The following NEGR1 variants were observed in gnomAD, a reference collection of about 807,000 sequenced individuals.
NEGR1 encodes the protein neuronal growth regulator 1.
In NEGR1, 10 loss-of-function variants were observed where a neutral mutation model predicts 40.9. That is an observed-to-expected ratio of 0.24 (90% confidence interval 0.15 to 0.42). The LOEUF is 0.42. Ranked by LOEUF, NEGR1 falls within the 10% of genes least tolerant of loss-of-function variation. NEGR1 has a pLI of 1.00. For missense variants in NEGR1, 352 were observed against 438.9 expected, an observed-to-expected ratio of 0.80 and a Z score of 1.77; for synonymous variants, 185 against 166.8, an observed-to-expected ratio of 1.11 and a Z score of -0.84.
intron 1 of NEGR1, among the ~76,000 whole-genome samples, chr1:72,144,968 T>C (rs1650851864): frequency 6.6e-6 from 1 of 152,114 alleles, no homozygotes; most frequent in African/African-American, 2.4e-5. Context: ...TTCCATATTC[T>C]GGATACCTTA....
At chr1:72,275,009 A>T (rs1326609654) in intron 1 of NEGR1, 2 of 1,544,868 alleles carry the variant, frequency 1.3e-6, no homozygotes, top group Non-Finnish European at 1.8e-6. Context: ...GAAACCAAGG[A>T]GCCTGAGAAG....
At chr1:71,943,037 C>A (rs59891260) in intron 1 of NEGR1, among the ~76,000 whole-genome samples, 1 of 123,024 alleles carries the variant, frequency 8.1e-6, no homozygotes, top group Admixed American at 8.5e-5. Flanking sequence ...TACACACATA[C>A]ATATATATGT....
At chr1:71,779,973 G>C (rs990680326) in intron 2 of NEGR1, among the ~76,000 whole-genome samples, 1 of 147,018 alleles carries the variant, frequency 6.8e-6, no homozygotes, top group Non-Finnish European at 1.5e-5. Context: ...TCAGAATAAG[G>C]TGTGGTATAG....
chr1:71,661,519 A>C (rs1229543445), intron 4 of NEGR1, among the ~76,000 whole-genome samples: 1 of 152,228 alleles, frequency 6.6e-6, no homozygotes, highest in Non-Finnish European at 1.5e-5. Flanking sequence ...TGAAAATGTA[A>C]TAGAAATTTT....
intron 1 of NEGR1, among the ~76,000 whole-genome samples, chr1:72,191,461 A>G (rs1015319086): frequency 1.3e-5 from 2 of 151,838 alleles, no homozygotes; most frequent in African/African-American, 4.8e-5. Flanking sequence ...AGAAATTTGT[A>G]GCATCAGATG....
chr1:71,845,622 C>T (rs1659378428), intron 2 of NEGR1, among the ~76,000 whole-genome samples: 1 of 152,128 alleles, frequency 6.6e-6, no homozygotes. Flanking sequence ...CAAAGAGGTA[C>T]TCTTCTTATC....
intron 2 of NEGR1, among the ~76,000 whole-genome samples, chr1:71,799,112 G>C (rs1657453418): frequency 6.6e-6 from 1 of 151,604 alleles, no homozygotes; most frequent in Non-Finnish European, 1.5e-5. Context: ...TATTACATAG[G>C]TATACATGTG....
chr1:71,764,839 C>G (rs1317670368), intron 3 of NEGR1, among the ~76,000 whole-genome samples: 1 of 152,174 alleles, frequency 6.6e-6, no homozygotes, highest in Non-Finnish European at 1.5e-5. Context: ...GCCTCATGAG[C>G]TGATCGAAAA....
intron 6 of NEGR1, among the ~76,000 whole-genome samples, chr1:71,472,823 A>G (rs895563589): frequency 5.3e-5 from 8 of 152,216 alleles, no homozygotes; most frequent in Non-Finnish European, 1.2e-4. Flanking sequence ...TAAAACATAA[A>G]TAGGCAGAAA....
intron 3 of NEGR1, among the ~76,000 whole-genome samples, chr1:71,700,457 T>A (rs1035641234): frequency 1.3e-5 from 2 of 152,040 alleles, no homozygotes; most frequent in Non-Finnish European, 2.9e-5. Flanking sequence ...CAGCACTATA[T>A]AAATGTTAAT....
intron 4 of NEGR1, among the ~76,000 whole-genome samples, chr1:71,674,181 AAT>A (rs1398811052): frequency 6.6e-6 from 1 of 152,166 alleles, no homozygotes; most frequent in African/African-American, 2.4e-5. Context: ...TTGTTAATAA[AAT>A]ATGTTTATAA....
chr1:71,986,408 C>T (rs1646395136), intron 1 of NEGR1, among the ~76,000 whole-genome samples: 1 of 152,148 alleles, frequency 6.6e-6, no homozygotes, highest in Non-Finnish European at 1.5e-5. Flanking sequence ...AACACTGAGA[C>T]GTCCTTCTGG....
At chr1:72,174,096 A>G (rs987173072) in intron 1 of NEGR1, among the ~76,000 whole-genome samples, 3 of 152,114 alleles carry the variant, frequency 2.0e-5, no homozygotes, top group Non-Finnish European at 4.4e-5. Context: ...TTTTTTAAAA[A>G]AACTGTCAAT....
At chr1:72,143,302 A>C (rs1393940410) in intron 1 of NEGR1, among the ~76,000 whole-genome samples, 1 of 151,938 alleles carries the variant, frequency 6.6e-6, no homozygotes, top group African/African-American at 2.4e-5. Flanking sequence ...AATATGATAA[A>C]GTTTTACAAC....
intron 6 of NEGR1, among the ~76,000 whole-genome samples, chr1:71,446,641 T>G (rs948941977): frequency 6.6e-5 from 10 of 152,222 alleles, no homozygotes; most frequent in African/African-American, 2.2e-4. Flanking sequence ...TGTATGTTCA[T>G]AATGGAATCT....
chr1:72,236,540 A>C (rs896427851), intron 1 of NEGR1, among the ~76,000 whole-genome samples: 1 of 152,030 alleles, frequency 6.6e-6, no homozygotes, highest in Non-Finnish European at 1.5e-5. Flanking sequence ...GGAAATAAAC[A>C]ATAGTTGGTC....
chr1:72,141,443 C>T (rs954285364), intron 1 of NEGR1, among the ~76,000 whole-genome samples: 2 of 151,948 alleles, frequency 1.3e-5, no homozygotes, highest in African/African-American at 4.8e-5. Flanking sequence ...AAACATCCAA[C>T]CTTATAGTGT....
intron 6 of NEGR1, among the ~76,000 whole-genome samples, chr1:71,502,466 G>A (rs991740875): frequency 3.3e-5 from 5 of 152,038 alleles, no homozygotes; most frequent in African/African-American, 4.8e-5. Context: ...TCTCACTTCC[G>A]CTGTTTTTCA....
intron 2 of NEGR1, among the ~76,000 whole-genome samples, chr1:71,786,508 C>T (rs748371301): frequency 3.9e-5 from 6 of 152,084 alleles, no homozygotes; most frequent in Non-Finnish European, 7.4e-5. Flanking sequence ...GGAAACATGT[C>T]TAAAAAAGGT....
Sources: gnomAD v4.1 joint callset for allele counts (sites outside exome capture counted in the v4.1 genomes callset) on GRCh38, gnomAD v4.1.1 for gene constraint, MANE v1.5 for transcripts, NCBI Gene and HGNC (gene_info 2026-07-23, HGNC 2026-07-21) for gene names.